SRD5A2: variants seen among roughly 807,000 people sequenced by gnomAD.
The protein encoded by SRD5A2 is steroid 5 alpha-reductase 2, also known as 3-oxo-5-alpha-steroid 4-dehydrogenase 2.
Under a neutral mutation model 27.4 loss-of-function variants are expected in SRD5A2, and 30 were observed. The observed-to-expected ratio is 1.10, with a 90% CI of 0.82 to 1.49. The LOEUF is 1.49. SRD5A2 is among the 40% of genes most tolerant of loss of function. The pLI is 0.00. For missense variants in SRD5A2, 348 were observed against 323.4 expected, an observed-to-expected ratio of 1.08 and a Z score of -0.58; for synonymous variants, 141 against 133.6, an observed-to-expected ratio of 1.06 and a Z score of -0.38.
At chr2:31,616,614 G>A in the SRD5A2 span, among the ~76,000 whole-genome samples, 460 of 152,252 alleles carry the variant, frequency 3.0e-3, 4 homozygotes, top group African/African-American at 0.01. Context: ...TCTCCCATTT[G>A]GAATGGCTGT....
the SRD5A2 span, among the ~76,000 whole-genome samples, chr2:31,650,767 G>A: frequency 2.0e-5 from 3 of 152,304 alleles, no homozygotes; most frequent in East Asian, 3.9e-4. Flanking sequence ...ATCAGACATT[G>A]TGAGGAATCT....
At chr2:31,571,968 C>T (rs1467720861) in intron 1 of SRD5A2, among the ~76,000 whole-genome samples, 1 of 152,154 alleles carries the variant, frequency 6.6e-6, no homozygotes, top group Admixed American at 6.5e-5. Flanking sequence ...CTCAGCAATC[C>T]CATTATTGGG....
chr2:31,568,324 G>A (rs1244505177), intron 1 of SRD5A2, among the ~76,000 whole-genome samples: 1 of 152,174 alleles, frequency 6.6e-6, no homozygotes. Flanking sequence ...GCATTCAGCA[G>A]GTCCTGATTT....
the SRD5A2 span, among the ~76,000 whole-genome samples, chr2:31,588,509 G>A: frequency 1.3e-5 from 2 of 152,168 alleles, no homozygotes; most frequent in East Asian, 3.9e-4. Flanking sequence ...TTTTACCTTA[G>A]AATAATATAT....
At chr2:31,569,747 A>T (rs1029259138) in intron 1 of SRD5A2, among the ~76,000 whole-genome samples, 1 of 152,052 alleles carries the variant, frequency 6.6e-6, no homozygotes, top group African/African-American at 2.4e-5. Context: ...TTAATTCAAA[A>T]TGTGTCATAG....
chr2:31,571,025 T>G (rs1199491424), intron 1 of SRD5A2, among the ~76,000 whole-genome samples: 1 of 152,144 alleles, frequency 6.6e-6, no homozygotes, highest in African/African-American at 2.4e-5. Flanking sequence ...AAAACTATTT[T>G]AAAATTCATA....
chr2:31,590,148 C>CCCCCA, the SRD5A2 span, among the ~76,000 whole-genome samples: 1 of 148,154 alleles, frequency 6.7e-6, no homozygotes, highest in Non-Finnish European at 1.5e-5. Flanking sequence ...CAATCCTGCG[C>CCCCCA]CCCCACCCCA....
chr2:31,645,510 T>C, the SRD5A2 span, among the ~76,000 whole-genome samples: 1 of 152,220 alleles, frequency 6.6e-6, no homozygotes, highest in Non-Finnish European at 1.5e-5. Context: ...CAGATGTAAA[T>C]TTGATTCTCG....
intron 1 of SRD5A2, among the ~76,000 whole-genome samples, chr2:31,565,767 C>T (rs1272244955): frequency 6.6e-6 from 1 of 151,916 alleles, no homozygotes; most frequent in Non-Finnish European, 1.5e-5. Context: ...GATCAGATAT[C>T]TCAATACTCT....
At chr2:31,634,832 A>G in the SRD5A2 span, among the ~76,000 whole-genome samples, 2 of 151,990 alleles carry the variant, frequency 1.3e-5, no homozygotes, top group African/African-American at 4.8e-5. Flanking sequence ...ATGACCTCCC[A>G]TTTCCATCCA....
chr2:31,628,987 G>C, the SRD5A2 span, among the ~76,000 whole-genome samples: 1 of 152,058 alleles, frequency 6.6e-6, no homozygotes, highest in Admixed American at 6.6e-5. Flanking sequence ...GTGTTATATA[G>C]TGTTCTTAAA....
At chr2:31,656,469 G>A in the SRD5A2 span, among the ~76,000 whole-genome samples, 1 of 152,110 alleles carries the variant, frequency 6.6e-6, no homozygotes, top group Admixed American at 6.6e-5. Context: ...TCCCCTTGTG[G>A]TGAAATTAAG....
the SRD5A2 span, among the ~76,000 whole-genome samples, chr2:31,605,947 C>T: frequency 2.0e-5 from 3 of 151,840 alleles, no homozygotes; most frequent in Non-Finnish European, 2.9e-5. Flanking sequence ...GACATATACA[C>T]AATGAAGTAC....
At chr2:31,608,642 T>G in the SRD5A2 span, among the ~76,000 whole-genome samples, 1 of 151,756 alleles carries the variant, frequency 6.6e-6, no homozygotes, top group South Asian at 2.1e-4. Flanking sequence ...AAACCTGAAA[T>G]GAAATTACAA....
intron 1 of SRD5A2, among the ~76,000 whole-genome samples, chr2:31,541,647 T>TA (rs2148072273): frequency 6.6e-6 from 1 of 151,300 alleles, no homozygotes; most frequent in South Asian, 2.1e-4. Context: ...GTACTTGGTT[T>TA]AACTTCATAT....
chr2:31,625,601 C>A, the SRD5A2 span, among the ~76,000 whole-genome samples: 5 of 152,284 alleles, frequency 3.3e-5, no homozygotes, highest in East Asian at 9.6e-4. Flanking sequence ...TTCCCAGCGA[C>A]ATTTATTAAA....
the SRD5A2 span, among the ~76,000 whole-genome samples, chr2:31,657,197 T>G: frequency 6.6e-6 from 1 of 152,208 alleles, no homozygotes; most frequent in Non-Finnish European, 1.5e-5. Flanking sequence ...GTTCTTTTTT[T>G]TGTGTGCACA....
the SRD5A2 span, among the ~76,000 whole-genome samples, chr2:31,658,835 T>A: frequency 5.3e-5 from 8 of 151,986 alleles, no homozygotes; most frequent in African/African-American, 7.2e-5. Context: ...TTCCAAAAAA[T>A]TGAGGAGAGG....
At chr2:31,541,905 A>AG (rs1352572834) in intron 1 of SRD5A2, among the ~76,000 whole-genome samples, 3 of 152,318 alleles carry the variant, frequency 2.0e-5, no homozygotes, top group Middle Eastern at 3.4e-3. Context: ...CCCTAGCCAG[A>AG]GGGGAATCAC....
Sources: gnomAD v4.1 joint callset for allele counts (sites outside exome capture counted in the v4.1 genomes callset) on GRCh38, gnomAD v4.1.1 for gene constraint, MANE v1.5 for transcripts, NCBI Gene and HGNC (gene_info 2026-07-23, HGNC 2026-07-21) for gene names.